Variants in FAM178B observed in about 807,000 individuals in gnomAD.
The protein encoded by FAM178B is protein FAM178B.
A neutral mutation model predicts 91.7 loss-of-function variants in FAM178B; 82 were observed. The observed-to-expected ratio is 0.89, with a 90% CI of 0.75 to 1.07. The LOEUF is 1.07. Ranked by LOEUF, FAM178B falls within the 50% of genes least tolerant of loss-of-function variation. FAM178B has a pLI of 0.00. For synonymous variants in FAM178B, 368 were observed against 359.4 expected, an observed-to-expected ratio of 1.02 and a Z score of -0.27; for missense variants, 769 against 846.7, an observed-to-expected ratio of 0.91 and a Z score of 1.14.
intron 12 of FAM178B, among the ~76,000 whole-genome samples, chr2:96,910,797 ATTTT>A (rs200071141): frequency 7.3e-6 from 1 of 136,204 alleles, no homozygotes; most frequent in Non-Finnish European, 1.6e-5. Flanking sequence ...TCTCTTCTTA[ATTTT>A]TTTTTTTTTT....
chr2:96,959,328 C>T (rs867560074), intron 6 of FAM178B, among the ~76,000 whole-genome samples: 5 of 151,252 alleles, frequency 3.3e-5, no homozygotes, highest in Non-Finnish European at 5.9e-5. Context: ...TGTGGAGGGA[C>T]GTTATATGGT....
intron 12 of FAM178B, among the ~76,000 whole-genome samples, chr2:96,919,385 G>A (rs991491464): frequency 6.6e-6 from 1 of 152,162 alleles, no homozygotes; most frequent in Non-Finnish European, 1.5e-5. Flanking sequence ...GAACCCCCAG[G>A]CATCTACAGA....
chr2:96,955,590 G>T (rs952313779), intron 6 of FAM178B, among the ~76,000 whole-genome samples: 6 of 152,218 alleles, frequency 3.9e-5, no homozygotes, highest in African/African-American at 1.4e-4. Flanking sequence ...TGAGGCAGGA[G>T]AATCGCTTGA....
intron 5 of FAM178B, among the ~76,000 whole-genome samples, chr2:96,962,461 GAAAA>G (rs1553508560): frequency 3.4e-5 from 4 of 118,228 alleles, no homozygotes; most frequent in Non-Finnish European, 7.3e-5. Context: ...AAGAAAGAAA[GAAAA>G]AAAAGCCTAT....
intron 8 of FAM178B, among the ~76,000 whole-genome samples, chr2:96,941,131 G>T (rs2081722470): frequency 6.6e-6 from 1 of 152,230 alleles, no homozygotes; most frequent in South Asian, 2.1e-4. Context: ...TTCATTTTGT[G>T]CCGGGAAATA....
At chr2:96,954,791 T>C (rs1044526099) in intron 6 of FAM178B, among the ~76,000 whole-genome samples, 57 of 152,214 alleles carry the variant, frequency 3.7e-4, no homozygotes, top group African/African-American at 1.4e-3. Flanking sequence ...GGCTCATGTC[T>C]ATAATCTCAG....
At chr2:96,973,906 G>T (rs957636827) in intron 1 of FAM178B, among the ~76,000 whole-genome samples, 5 of 151,926 alleles carry the variant, frequency 3.3e-5, no homozygotes, top group Non-Finnish European at 7.4e-5. Flanking sequence ...AGGGGGCTGG[G>T]GCAGGAGAAT....
intron 12 of FAM178B, among the ~76,000 whole-genome samples, chr2:96,911,829 C>A (rs536926326): frequency 6.6e-6 from 1 of 152,260 alleles, no homozygotes; most frequent in East Asian, 1.9e-4. Flanking sequence ...ACTGGTGCCA[C>A]TCATGGAGCC....
At position 96,876,185 on chromosome 2, in the gene FAM178B, T is replaced by G; in HGVS notation, c.*91A>C. 1 of 1,388,996 alleles carries G rather than the reference T, an allele frequency of 7.2e-7. No individual in the cohort carries two copies. Among genetic ancestry groups the G allele is most frequent in the Non-Finnish European group, 1.0e-6 (1 of 1,000,220 alleles). 86.0% of individuals were successfully genotyped at this position (1,388,996 alleles called of 1,614,324 possible). A position where few individuals can be genotyped will look rare whatever the true frequency, so the allele number is the denominator to read the frequency against. On this transcript the variant is annotated 3_prime_UTR_variant, in exon 17 of 17. Transcript: ENST00000490605. Reference sequence around the variant, plus strand: ...TCAGGCTGGTCAGCATGTGGCCTCCTCTGGCCTTGATGCTTCGCTTCCTCC... The same window carrying G: ...TCAGGCTGGTCAGCATGTGGCCTCCGCTGGCCTTGATGCTTCGCTTCCTCC...
rs749532080 is a variant in FAM178B at position 96,921,466 on chromosome 2, G to T, written c.1464+12C>A. The T allele has an allele frequency of 5.3e-5, 83 of 1,551,488 alleles. No individual in the cohort carries two copies. Among genetic ancestry groups the T allele is most frequent in the Non-Finnish European group, 6.5e-5 (75 of 1,146,964 alleles). On this transcript the variant is annotated intron_variant, in intron 11 of 16. Transcript: ENST00000490605. ...GAAGCTGTATGAGGACCAGGCTCTGGGCGTCTAGTACCTTCCCTGGCCACT... is the reference window on the plus strand; with the variant it reads ...GAAGCTGTATGAGGACCAGGCTCTGTGCGTCTAGTACCTTCCCTGGCCACT...
chr2:96,951,344 C>T, intron 7 of FAM178B, 35 bp downstream of exon 7: 1 of 1,481,130 alleles, frequency 6.8e-7, no homozygotes, highest in Non-Finnish European at 9.2e-7. Context: ...GACTGCAGCG[C>T]TCCCGCCACC....
chr2:96,948,989 T>C (rs1369449552), intron 7 of FAM178B, among the ~76,000 whole-genome samples: 1 of 152,194 alleles, frequency 6.6e-6, no homozygotes, highest in Non-Finnish European at 1.5e-5. Context: ...GGTCGGCATC[T>C]AGAACTCTGC....
At chr2:96,933,126 C>T (rs991337619) in intron 8 of FAM178B, among the ~76,000 whole-genome samples, 28 of 151,944 alleles carry the variant, frequency 1.8e-4, no homozygotes, top group African/African-American at 6.5e-4. Context: ...GCCTGTAATC[C>T]CAGCTACTTG....
Position 96,921,247 on chromosome 2 carries a change from A to G in FAM178B, c.1480T>C (p.Cys494Arg), listed in dbSNP as rs1331679549. ...TGGTCAGACACCCAGCTCAGGGTGCAGCACAGTTCCTGGAGCTGCAGGAGA... is the reference window on the plus strand; with the variant it reads ...TGGTCAGACACCCAGCTCAGGGTGCGGCACAGTTCCTGGAGCTGCAGGAGA... ...EWPGKLQELCCTLSWVSDHHH... is the reference protein window; with the variant it reads ...EWPGKLQELCRTLSWVSDHHH... Residue 494 changes from cysteine (C) to arginine (R), a missense_variant, in exon 12 of 17, where the codon TGC (cysteine) becomes CGC (arginine). By Grantham distance (180) the Cys-to-Arg change is radical. Coordinates refer to ENST00000490605, the MANE Select transcript of FAM178B (RefSeq NM_001122646.3). 1 of 1,551,628 alleles carries G rather than the reference A, an allele frequency of 6.4e-7. No individual in the cohort carries two copies. The highest frequency in any genetic ancestry group is 1.2e-5 in the South Asian group (1 of 84,050).
intron 8 of FAM178B, among the ~76,000 whole-genome samples, chr2:96,929,627 C>T (rs994593113): frequency 6.6e-6 from 1 of 152,226 alleles, no homozygotes; most frequent in South Asian, 2.1e-4. Context: ...CTCGGCTGCC[C>T]ACAGCCAAGT....
At chr2:96,931,545 A>G (rs1190919469) in intron 8 of FAM178B, among the ~76,000 whole-genome samples, 1 of 152,204 alleles carries the variant, frequency 6.6e-6, no homozygotes, top group Non-Finnish European at 1.5e-5. Context: ...GCAGGGCAGC[A>G]CAAAGCAGCA....
intron 16 of FAM178B, 72 bp from the exon 17 acceptor site, chr2:96,876,380 G>A: frequency 6.5e-7 from 1 of 1,545,040 alleles, no homozygotes. Flanking sequence ...AGCTCCCCGG[G>A]CTGGCGGTGT....
At chr2:96,967,393 G>A in intron 5 of FAM178B, 127 bp downstream of exon 5, 1 of 607,678 alleles carries the variant, frequency 1.6e-6, no homozygotes, top group Non-Finnish European at 3.0e-6. Flanking sequence ...GAAAGAGGTA[G>A]CTTTAGAATT....
chr2:96,936,453 G>T (rs904139795), intron 8 of FAM178B, among the ~76,000 whole-genome samples: 57 of 150,258 alleles, frequency 3.8e-4, no homozygotes, highest in South Asian at 2.5e-3. Context: ...TGCCCGCCTT[G>T]GCCTCCCAAA....
Sources: allele counts gnomAD v4.1 joint callset (sites outside exome capture counted in the v4.1 genomes callset), GRCh38; gene constraint gnomAD v4.1.1; transcripts MANE v1.5; gene names NCBI Gene and HGNC (gene_info 2026-07-23, HGNC 2026-07-21).